RUNX2: variants seen among roughly 807,000 people sequenced by gnomAD.
The protein encoded by RUNX2 is runt-related transcription factor 2.
RUNX2 carries 10 observed loss-of-function variants against 51.7 expected under a neutral mutation model. The observed-to-expected ratio is 0.19, with a 90% CI of 0.12 to 0.33. The LOEUF (loss-of-function observed/expected upper bound fraction) is 0.33. RUNX2 is among the 10% of genes least tolerant of loss of function. RUNX2 has a pLI of 1.00. For synonymous variants in RUNX2, 276 were observed against 273.6 expected (o/e 1.01, Z -0.09); for missense variants, 562 against 691.3 (o/e 0.81, Z 2.10).
At chr6:45,540,050 A>G (rs936984627) in intron 7 of RUNX2, among the ~76,000 whole-genome samples, 1 of 152,188 alleles carries the variant, frequency 6.6e-6, no homozygotes, top group African/African-American at 2.4e-5. Flanking sequence ...GAAGAGAGAA[A>G]ACCATGGGTG....
At chr6:45,336,622 A>C (rs575193732) in intron 2 of RUNX2, among the ~76,000 whole-genome samples, 1 of 151,552 alleles carries the variant, frequency 6.6e-6, no homozygotes, top group African/African-American at 2.4e-5. Context: ...ATGTACAATA[A>C]ATTTTTACTC....
chr6:45,332,458 T>C (rs1787709389), intron 2 of RUNX2, among the ~76,000 whole-genome samples: 2 of 151,882 alleles, frequency 1.3e-5, no homozygotes, highest in Admixed American at 1.3e-4. Flanking sequence ...CCGTGCATAC[T>C]TGAAAATTGA....
chr6:45,365,643 C>G (rs1031266454), intron 2 of RUNX2, among the ~76,000 whole-genome samples: 1 of 147,988 alleles, frequency 6.8e-6, no homozygotes, highest in Non-Finnish European at 1.5e-5. Context: ...TACGGTTCAT[C>G]AGCAATGCTT....
chr6:45,464,325 G>A (rs1799564933), intron 5 of RUNX2, among the ~76,000 whole-genome samples: 2 of 152,150 alleles, frequency 1.3e-5, no homozygotes, highest in South Asian at 4.1e-4. Flanking sequence ...CTGTCAGGTA[G>A]TAGTTAACAG....
chr6:45,436,861 C>T (rs1798699185), intron 4 of RUNX2, among the ~76,000 whole-genome samples: 1 of 152,092 alleles, frequency 6.6e-6, no homozygotes, highest in South Asian at 2.1e-4. Context: ...AATCTCTGAC[C>T]AAAAAACAAA....
chr6:45,415,745 A>G lies in RUNX2; in HGVS notation c.59-6848A>G, dbSNP rs528446902. ...CCCTTTCCTCCTGCAATGTCTTTCT[A>G]ACGTCCCCACCGACAAAACATGATT... On this transcript the variant is annotated intron_variant, in intron 2 of 8. Coordinates refer to ENST00000647337, the MANE Select transcript of RUNX2 (RefSeq NM_001024630.4). Among the ~76,000 whole-genome samples the G allele has an allele frequency of 6.4e-4, 97 of 152,296 alleles. 1 individual carries two copies. The highest frequency in any genetic ancestry group is 2.1e-3 in the African/African-American group (89 of 41,550).
chr6:45,509,547 C>T (rs931731708), intron 6 of RUNX2, among the ~76,000 whole-genome samples: 10 of 152,142 alleles, frequency 6.6e-5, no homozygotes, highest in Non-Finnish European at 1.0e-4. Context: ...GGATGTGTGA[C>T]CACTTTACTA....
chr6:45,542,811 CAT>C (rs1180104609), intron 7 of RUNX2, among the ~76,000 whole-genome samples: 2 of 152,168 alleles, frequency 1.3e-5, no homozygotes, highest in Admixed American at 6.5e-5. Flanking sequence ...ACTAAGATAG[CAT>C]ATCCTTTGTT....
At chr6:45,509,312 T>C (rs1801072587) in intron 6 of RUNX2, among the ~76,000 whole-genome samples, 1 of 152,230 alleles carries the variant, frequency 6.6e-6, no homozygotes, top group South Asian at 2.1e-4. Flanking sequence ...TATTTATTAT[T>C]GTATTCATTA....
chr6:45,400,145 G>A (rs1797678891), intron 2 of RUNX2, among the ~76,000 whole-genome samples: 2 of 133,318 alleles, frequency 1.5e-5, no homozygotes, highest in Non-Finnish European at 3.2e-5. Context: ...GAGGGAGGGA[G>A]GGAAGGAAGG....
chr6:45,512,119 A>G (rs944145603), intron 6 of RUNX2, 127 bp from the exon 7 acceptor site: 2 of 721,566 alleles, frequency 2.8e-6, no homozygotes, highest in Non-Finnish European at 4.6e-6. Context: ...CTTATATATT[A>G]TATATATATA....
intron 2 of RUNX2, 142 bp downstream of exon 2, chr6:45,328,926 A>G: frequency 1.4e-5 from 13 of 909,906 alleles, no homozygotes; most frequent in Non-Finnish European, 2.2e-5. Context: ...GAATTGAAAA[A>G]TGAAATTTCT....
At chr6:45,464,110 G>A (rs1397531195) in intron 5 of RUNX2, among the ~76,000 whole-genome samples, 2 of 152,050 alleles carry the variant, frequency 1.3e-5, no homozygotes, top group East Asian at 1.9e-4. Context: ...GGAGAATGGC[G>A]TGAACCCGGG....
chr6:45,400,186 T>G (rs62400350), intron 2 of RUNX2, among the ~76,000 whole-genome samples: 26,376 of 87,058 alleles, frequency 0.3, 2,799 homozygotes, highest in Non-Finnish European at 0.37. Flanking sequence ...AAGGAGGGAA[T>G]GAGGGAAGGA....
At chr6:45,465,719 T>G (rs554884161) in intron 5 of RUNX2, among the ~76,000 whole-genome samples, 111 of 151,802 alleles carry the variant, frequency 7.3e-4, no homozygotes, top group African/African-American at 2.2e-3. Context: ...TTTGGCTCAC[T>G]GAAGCCTCTA....
intron 4 of RUNX2, 62 bp from the exon 5 acceptor site, chr6:45,437,885 T>C (rs1269019978): frequency 5.1e-6 from 6 of 1,180,560 alleles, no homozygotes; most frequent in Non-Finnish European, 6.3e-6. Context: ...TCTATGCTGC[T>C]GTGTAATCAT....
chr6:45,541,767 C>T (rs746171582), intron 7 of RUNX2, among the ~76,000 whole-genome samples: 3 of 152,210 alleles, frequency 2.0e-5, no homozygotes, highest in Non-Finnish European at 4.4e-5. Flanking sequence ...ATGTACTGCA[C>T]AGAGGCCAAG....
intron 2 of RUNX2, among the ~76,000 whole-genome samples, chr6:45,392,868 A>G (rs899621646): frequency 2.7e-4 from 41 of 152,232 alleles, no homozygotes; most frequent in African/African-American, 8.2e-4. Flanking sequence ...TTCCATTACA[A>G]GTATGTTACC....
At chr6:45,376,527 G>A (rs1312518859) in intron 2 of RUNX2, among the ~76,000 whole-genome samples, 1 of 152,222 alleles carries the variant, frequency 6.6e-6, no homozygotes, top group African/African-American at 2.4e-5. Context: ...TACCACTAGT[G>A]CCTAAAGGCA....
Sources: allele counts gnomAD v4.1 joint callset (sites outside exome capture counted in the v4.1 genomes callset), GRCh38; gene constraint gnomAD v4.1.1; transcripts MANE v1.5; gene names NCBI Gene and HGNC (gene_info 2026-07-23, HGNC 2026-07-21).